Variants in ROBO3 observed in about 807,000 individuals in gnomAD.
ROBO3 encodes roundabout guidance receptor 3, also known as roundabout homolog 3.
ROBO3 carries 97 observed loss-of-function variants against 160.5 expected under a neutral mutation model. The ratio of observed to expected loss-of-function variants is 0.60; its 90% CI spans 0.51 to 0.72. The LOEUF (loss-of-function observed/expected upper bound fraction) is 0.72. Among genes scored for constraint, ROBO3 ranks in the 30% least tolerant of loss-of-function variants. The probability of loss-of-function intolerance (pLI) is 0.00; values close to 1 mark genes in which losing one functional copy is unlikely to be tolerated. For synonymous variants in ROBO3, 780 were observed against 746.2 expected (o/e 1.05, Z -0.74); for missense variants, 1,858 against 1,846.5 (o/e 1.01, Z -0.11).
In ROBO3 at chr11:124,878,403, G is replaced by T. The variant is rs1241872545; in HGVS notation, c.3287G>T (p.Cys1096Phe). 2 of 1,613,940 alleles carry T rather than the reference G, an allele frequency of 1.2e-6. No homozygotes were observed. The highest frequency in any genetic ancestry group is 1.7e-5 in the Admixed American group (1 of 60,022). Residue 1096 changes from cysteine to phenylalanine, a missense_variant, in exon 22 of 28, where the codon TGC becomes TTC. Cys to Phe is a radical substitution (Grantham distance 205). Coordinates refer to ENST00000397801, the MANE Select transcript of ROBO3 (RefSeq NM_022370.4). This position sits in a 1 kb window ranked among gnomAD's most constrained non-coding sequence, Gnocchi z 4.3. ...PPPPPSCELS[C>F]LEGPEEELEG... ...CCTCCTCCTTCTTGTGAACTGAGCT[G>T]CCTAGAAGGGCCGGAGGAGGAGCTG...
In ROBO3 at chr11:124,876,774, G is replaced by C. The variant is rs1946388305; in HGVS notation, c.2779+314G>C. The C allele has an allele frequency of 4.8e-6, 2 of 414,600 alleles. No homozygotes were observed. Among genetic ancestry groups the C allele is most frequent in the African/African-American group, 4.1e-5 (2 of 48,968 alleles). 25.7% of individuals were successfully genotyped at this position (414,600 alleles called of 1,614,324 possible). ...GGACGGAAAGCCCACTCAAAGGGCG[G>C]GGGGCGGGGCCTGGCAAGAGGGGGT... On this transcript the variant is annotated intron_variant, in intron 17 of 27. Coordinates refer to ENST00000397801, the MANE Select transcript of ROBO3 (RefSeq NM_022370.4). This position sits in a 1 kb window ranked among gnomAD's most constrained non-coding sequence, Gnocchi z 5.3.
rs1233115415 is a variant in ROBO3 at position 124,875,291 on chromosome 11, C to T, written c.2254C>T (p.Leu752=). The change falls in exon 14 of 28, where the codon CTG becomes TTG. Residue 752 remains leucine, a synonymous_variant. Coordinates refer to ENST00000397801, the MANE Select transcript of ROBO3 (RefSeq NM_022370.4). ...IKVQAQGQEG[L]GAESLSVTRS... ...GGTGCAAGCCCAAGGCCAGGAGGGG[C>T]TGGGGGCTGAAAGCCTCTCTGTGAC... 3 of 1,607,780 alleles carry T rather than the reference C, an allele frequency of 1.9e-6. No homozygotes were observed. The highest frequency in any genetic ancestry group is 2.5e-6 in the Non-Finnish European group (3 of 1,176,724).
Position 124,873,573 on chromosome 11 carries a change from A to T in ROBO3, c.1619-124A>T. 1 of 1,037,250 alleles carries T rather than the reference A, an allele frequency of 9.6e-7. No individual in the cohort carries two copies. The highest frequency in any genetic ancestry group is 1.4e-6 in the Non-Finnish European group (1 of 711,012). The allele number at this position is 1,037,250 out of a possible 1,614,324, so 64.3% of individuals were successfully genotyped here. Reference sequence around the variant, plus strand: ...GAGGCAGATGTGAGTAGGGGTTCATATACTATAGCCCACTCTGACCATCAC... The same window carrying T: ...GAGGCAGATGTGAGTAGGGGTTCATTTACTATAGCCCACTCTGACCATCAC... On this transcript the variant is annotated intron_variant, in intron 10 of 27. Coordinates refer to ENST00000397801, the MANE Select transcript of ROBO3 (RefSeq NM_022370.4). The surrounding 1 kb of genome is among the most constrained non-coding windows in gnomAD (Gnocchi z 4.5).
Position 124,873,229 on chromosome 11 carries a change from C to A in ROBO3, c.1537-81C>A. 7.0e-7 allele frequency: 1 copy of A among 1,434,430 alleles called. No homozygotes were observed. Among genetic ancestry groups the A allele is most frequent in the South Asian group, 1.2e-5 (1 of 80,718 alleles). The allele number at this position is 1,434,430 out of a possible 1,614,324, so 88.9% of individuals were successfully genotyped here. A position where few individuals can be genotyped will look rare whatever the true frequency, so the allele number is the denominator to read the frequency against. On this transcript the variant is annotated intron_variant, in intron 9 of 27. Coordinates refer to ENST00000397801, the MANE Select transcript of ROBO3 (RefSeq NM_022370.4). The surrounding 1 kb of genome is among the most constrained non-coding windows in gnomAD (Gnocchi z 4.5). Reference sequence around the variant, plus strand: ...GAGCACCTAGTATCCAACATCTTCCCATCCTTCTGCTACCCGCCTCCACCC... The same window carrying A: ...GAGCACCTAGTATCCAACATCTTCCAATCCTTCTGCTACCCGCCTCCACCC...
In ROBO3 at chr11:124,873,647, A is replaced by C; in HGVS notation, c.1619-50A>C. On this transcript the variant is annotated intron_variant, in intron 10 of 27. Transcript: ENST00000397801. This position sits in a 1 kb window ranked among gnomAD's most constrained non-coding sequence, Gnocchi z 4.5. ...CCCTGGTAAGGAGACAGGTTACACT[A>C]GGATTATCCTTTCCCTATCTTTCTA... 1 of 1,517,190 alleles carries C rather than the reference A, an allele frequency of 6.6e-7. No homozygotes were observed. The highest frequency in any genetic ancestry group is 9.0e-7 in the Non-Finnish European group (1 of 1,116,514). The allele number at this position is 1,517,190 out of a possible 1,614,324, so 94.0% of individuals were successfully genotyped here. A position where few individuals can be genotyped will look rare whatever the true frequency, so the allele number is the denominator to read the frequency against.
chr11:124,875,014 G>T, intron 13 of ROBO3, 97 bp from the exon 14 acceptor site: 1 of 1,517,738 alleles, frequency 6.6e-7, no homozygotes, highest in Non-Finnish European at 8.9e-7. Flanking sequence ...GCTGGGGAAG[G>T]CGGCATGAGT....
At chr11:124,874,672 A>G (rs2135332038) in intron 12 of ROBO3, 116 bp from the exon 13 acceptor site, 7 of 1,266,584 alleles carry the variant, frequency 5.5e-6, no homozygotes, top group East Asian at 5.1e-5. Flanking sequence ...CCTCCTGACC[A>G]TGGGGTGTGC....
Position 124,876,565 on chromosome 11 carries a change from A to G in ROBO3, c.2779+105A>G. Reference sequence around the variant, plus strand: ...GCGAGTGAGGACCGGGTCGGGAGAAAGGGGTCGCACCTGGAGTTCAGCCTC... The same window carrying G: ...GCGAGTGAGGACCGGGTCGGGAGAAGGGGGTCGCACCTGGAGTTCAGCCTC... On this transcript the variant is annotated intron_variant, in intron 17 of 27. Coordinates refer to ENST00000397801, the MANE Select transcript of ROBO3 (RefSeq NM_022370.4). The surrounding 1 kb of genome is among the most constrained non-coding windows in gnomAD (Gnocchi z 5.3). The G allele has an allele frequency of 1.0e-6, 1 of 1,001,384 alleles. No homozygotes were observed. The highest frequency in any genetic ancestry group is 1.7e-5 in the African/African-American group (1 of 58,572). 62.0% of individuals were successfully genotyped at this position (1,001,384 alleles called of 1,614,324 possible).
In ROBO3 at chr11:124,879,525, T is replaced by C; in HGVS notation, c.3746T>C (p.Phe1249Ser). Residue 1249 changes from phenylalanine (F) to serine (S), a missense_variant, in exon 25 of 28, where the codon TTC becomes TCC. Coordinates refer to ENST00000397801, the MANE Select transcript of ROBO3 (RefSeq NM_022370.4). ...TPPLQGPRARFRKKPKALPYR... is the reference protein window; with the variant it reads ...TPPLQGPRARSRKKPKALPYR... ...CCACTTCAAGGACCCCGTGCTCGAT[T>C]CCGGAAGAAACCCAAGGCTCTTCCC... 1 of 1,613,800 alleles carries C rather than the reference T, an allele frequency of 6.2e-7. No homozygotes were observed. The highest frequency in any genetic ancestry group is 1.7e-5 in the Admixed American group (1 of 60,022).
intron 26 of ROBO3, 87 bp downstream of exon 26, chr11:124,880,035 C>A: frequency 1.5e-6 from 2 of 1,305,096 alleles, no homozygotes; most frequent in Non-Finnish European, 2.1e-6. Context: ...ACCAGCTCAG[C>A]CCTCCCTTTA....
In ROBO3 at chr11:124,869,647, G is replaced by C; in HGVS notation, c.645+40G>C. 1 of 1,521,760 alleles carries C rather than the reference G, an allele frequency of 6.6e-7. No individual in the cohort carries two copies. The highest frequency in any genetic ancestry group is 1.3e-5 in the South Asian group (1 of 76,852). The allele number at this position is 1,521,760 out of a possible 1,614,324, so 94.3% of individuals were successfully genotyped here. ...ATGATTGGAGACCCCAACAAGGGAGGGGACATAGGGTAGGGAGGTGACAAG... is the reference window on the plus strand; with the variant it reads ...ATGATTGGAGACCCCAACAAGGGAGCGGACATAGGGTAGGGAGGTGACAAG... On this transcript the variant is annotated intron_variant, in intron 3 of 27. Transcript: ENST00000397801. The surrounding 1 kb of genome is among the most constrained non-coding windows in gnomAD (Gnocchi z 4.2).
chr11:124,879,254 G>C lies in ROBO3; in HGVS notation c.3598G>C (p.Ala1200Pro). Residue 1200 changes from alanine to proline, a missense_variant, in exon 24 of 28, where the codon GCG (alanine) becomes CCG (proline). Coordinates refer to ENST00000397801, the MANE Select transcript of ROBO3 (RefSeq NM_022370.4). ...VSQPMLGIRE[A>P]RPAGLGAGPA... ...CCAGCCCATGCTGGGCATCCGTGAA[G>C]CGAGGCCTGCTGGCTTGGGTGCTGG... 1 of 1,569,014 alleles carries C rather than the reference G, an allele frequency of 6.4e-7. No homozygotes were observed. The highest frequency in any genetic ancestry group is 8.6e-7 in the Non-Finnish European group (1 of 1,156,816).
At position 124,876,355 on chromosome 11, in the gene ROBO3, GC is replaced by G; in HGVS notation, c.2676del (p.Phe893SerfsTer111). 3.5e-6 allele frequency: 5 copies of G among 1,432,532 alleles called. No individual in the cohort carries two copies. Among genetic ancestry groups the G allele is most frequent in the Non-Finnish European group, 4.5e-6 (5 of 1,101,644 alleles). The allele number at this position is 1,432,532 out of a possible 1,614,324, so 88.7% of individuals were successfully genotyped here. A position where few individuals can be genotyped will look rare whatever the true frequency, so the allele number is the denominator to read the frequency against. On this transcript the variant is annotated frameshift_variant, in exon 17 of 28. Coordinates refer to ENST00000397801, the MANE Select transcript of ROBO3 (RefSeq NM_022370.4). LOFTEE classifies it high-confidence loss of function. The surrounding 1 kb of genome is among the most constrained non-coding windows in gnomAD (Gnocchi z 5.3). ...GCTGGCGAGGGTGCTGCGGGAGCCC[GC>G]CTTCCTCGCGGGCAGCGGCGCAGCC... is the stretch of plus-strand genomic sequence containing the variant. Reference protein sequence around the residue: ...VRLARVLREPAFLAGSGAACG... With the variant: ...VRLARVLREPXFLAGSGAACG...
chr11:124,873,462 C>T lies in ROBO3; in HGVS notation c.1618+71C>T. ...AACCTGCTTCAACAGGTAGTCGATA[C>T]CTCCTCAAACTCCGGGATTAACTTT... is the stretch of plus-strand genomic sequence containing the variant. On this transcript the variant is annotated intron_variant, in intron 10 of 27. Transcript: ENST00000397801. This position sits in a 1 kb window ranked among gnomAD's most constrained non-coding sequence, Gnocchi z 4.5. 1 of 1,290,866 alleles carries T rather than the reference C, an allele frequency of 7.7e-7. No individual in the cohort carries two copies. 80.0% of individuals were successfully genotyped at this position (1,290,866 alleles called of 1,614,324 possible).
chr11:124,866,395 T>C (rs1186669333), intron 1 of ROBO3, among the ~76,000 whole-genome samples: 1 of 152,130 alleles, frequency 6.6e-6, no homozygotes, highest in Non-Finnish European at 1.5e-5. Flanking sequence ...CGCTCTCCCC[T>C]AGCGCCGCGG....
At position 124,873,879 on chromosome 11, in the gene ROBO3, G is replaced by C. The variant is rs367685536; in HGVS notation, c.1784+17G>C. On this transcript the variant is annotated intron_variant, in intron 11 of 27. Transcript: ENST00000397801. The surrounding 1 kb of genome is among the most constrained non-coding windows in gnomAD (Gnocchi z 4.5). ...GGCCTTCAGGTATGGAGAAAGTTTT[G>C]AATGCAAACCTGGAGAGTTAAAAGG... is the stretch of plus-strand genomic sequence containing the variant. The C allele has an allele frequency of 4.8e-5, 78 of 1,611,554 alleles. 1 individual carries two copies. Among genetic ancestry groups the C allele is most frequent in the East Asian group, 4.0e-4 (18 of 44,814 alleles).
chr11:124,877,349 G>C, intron 19 of ROBO3, 40 bp downstream of exon 19: 1 of 1,611,576 alleles, frequency 6.2e-7, no homozygotes, highest in Non-Finnish European at 8.5e-7. Context: ...GACCTCCACC[G>C]ACAGGCCACT....
intron 20 of ROBO3, 114 bp downstream of exon 20, chr11:124,877,772 G>A (rs1191891533): frequency 7.1e-7 from 1 of 1,410,394 alleles, no homozygotes; most frequent in Non-Finnish European, 9.8e-7. Context: ...TCCCTGGGGA[G>A]GATGTGAGCT....
In ROBO3 at chr11:124,879,947, T is replaced by C; in HGVS notation, c.3957T>C (p.Asp1319=). 2 of 1,572,982 alleles carry C rather than the reference T, an allele frequency of 1.3e-6. No individual in the cohort carries two copies. The highest frequency in any genetic ancestry group is 1.7e-6 in the Non-Finnish European group (2 of 1,159,428). The part of the protein sequence containing the change: ...PLAAQRVLHP[D]EEAWLPYSRP... ...CAGCCCAGCGGGTGCTCCACCCAGATGGTAAGCAGGGCCAGGGCAGGCAGG... is the reference window on the plus strand; with the variant it reads ...CAGCCCAGCGGGTGCTCCACCCAGACGGTAAGCAGGGCCAGGGCAGGCAGG... The change falls in exon 26 of 28, where the codon GAT becomes GAC. Residue 1319 remains aspartate (D), a splice_region_variant and synonymous_variant. Transcript: ENST00000397801.
Sources: allele counts gnomAD v4.1 joint callset (sites outside exome capture counted in the v4.1 genomes callset), GRCh38; gene constraint gnomAD v4.1.1; non-coding constraint Gnocchi (gnomAD v3.1); transcripts MANE v1.5; gene names NCBI Gene and HGNC (gene_info 2026-07-23, HGNC 2026-07-21).